The following EYS variants were observed in gnomAD, a reference collection of about 807,000 sequenced individuals.
EYS encodes EGF-like photoreceptor maintenance factor, also known as protein eyes shut homolog.
EYS carries 250 observed loss-of-function variants against 282.1 expected under a neutral mutation model. The observed-to-expected ratio is 0.89, with a 90% CI of 0.80 to 0.98. The LOEUF (loss-of-function observed/expected upper bound fraction) is 0.98. Ranked by LOEUF, EYS falls within the 50% of genes least tolerant of loss-of-function variation. EYS has a pLI of 0.00. For synonymous variants in EYS, 1,355 were observed against 1,282.9 expected (o/e 1.06, Z -1.20); for missense variants, 4,016 against 3,709.0 (o/e 1.08, Z -2.15).
intron 37 of EYS, among the ~76,000 whole-genome samples, chr6:63,792,550 G>A (rs1012853065): frequency 6.6e-6 from 1 of 151,898 alleles, no homozygotes; most frequent in African/African-American, 2.4e-5. Flanking sequence ...TAACAAACCT[G>A]CACATTGTGC....
chr6:64,755,618 T>C (rs915133312), intron 22 of EYS, among the ~76,000 whole-genome samples: 3 of 151,784 alleles, frequency 2.0e-5, no homozygotes, highest in Non-Finnish European at 4.4e-5. Context: ...GGGAGAGCAT[T>C]ATCCTAAGCA....
chr6:63,864,824 A>G (rs1772633453), intron 35 of EYS, among the ~76,000 whole-genome samples: 1 of 152,218 alleles, frequency 6.6e-6, no homozygotes, highest in Non-Finnish European at 1.5e-5. Flanking sequence ...AATTCTGAAA[A>G]TAAGACACAG....
At chr6:65,401,860 A>G (rs948531200) in intron 7 of EYS, among the ~76,000 whole-genome samples, 1 of 151,942 alleles carries the variant, frequency 6.6e-6, no homozygotes, top group Non-Finnish European at 1.5e-5. Context: ...GCAGTCAGAT[A>G]AAAGTCAGGC....
At chr6:64,337,477 G>T (rs1192490841) in intron 29 of EYS, among the ~76,000 whole-genome samples, 3 of 151,972 alleles carry the variant, frequency 2.0e-5, no homozygotes, top group East Asian at 1.9e-4. Context: ...GTGAGATTGA[G>T]GTGGTAATTA....
rs540689758 is a variant in EYS at position 65,386,868 on chromosome 6, T to G, written c.1185-2368A>C. ...TATAGTTTGTTTTTATGTAAAACTA[T>G]TTTGAGACTTTAGGGTAAGGGTAAC... is the stretch of plus-strand genomic sequence containing the variant. On this transcript the variant is annotated intron_variant, in intron 7 of 42. Transcript: ENST00000503581. Among the ~76,000 whole-genome samples, 13 of 151,990 alleles carry G rather than the reference T, an allele frequency of 8.6e-5. No individual in the cohort carries two copies. In the East Asian group the frequency reaches 1.9e-3, roughly 23 times the overall value.
At chr6:64,349,368 T>A (rs1771531549) in intron 29 of EYS, among the ~76,000 whole-genome samples, 1 of 151,272 alleles carries the variant, frequency 6.6e-6, no homozygotes, top group South Asian at 2.1e-4. Context: ...GCTAATTGTA[T>A]CAACTCCTAT....
chr6:65,364,792 A>G (rs1355201608), intron 8 of EYS, among the ~76,000 whole-genome samples: 2 of 151,724 alleles, frequency 1.3e-5, no homozygotes, highest in Non-Finnish European at 2.9e-5. Context: ...GTACTTGGCC[A>G]ATTAGAATAT....
intron 22 of EYS, among the ~76,000 whole-genome samples, chr6:64,706,503 TA>T (rs1418823824): frequency 6.6e-6 from 1 of 151,990 alleles, no homozygotes; most frequent in East Asian, 1.9e-4. Flanking sequence ...GCAAAAGAAA[TA>T]ATCAGTAGAC....
intron 26 of EYS, among the ~76,000 whole-genome samples, chr6:64,588,533 A>C (rs192646106): frequency 4.8e-4 from 73 of 152,096 alleles, no homozygotes; most frequent in African/African-American, 1.6e-3. Context: ...CCTGTGTCCT[A>C]CTTCCAAAGG....
chr6:64,696,185 C>G (rs1191704880), intron 22 of EYS, among the ~76,000 whole-genome samples: 2 of 151,988 alleles, frequency 1.3e-5, no homozygotes, highest in African/African-American at 4.8e-5. Context: ...AACAAAACTT[C>G]TGGAAATAAA....
intron 5 of EYS, among the ~76,000 whole-genome samples, chr6:65,484,227 TAGA>T (rs1247148931): frequency 1.3e-5 from 2 of 152,098 alleles, no homozygotes; most frequent in East Asian, 3.9e-4. Context: ...GCTCATGGGG[TAGA>T]AGACAGAATA....
chr6:64,740,287 T>TA (rs527302112), intron 22 of EYS, among the ~76,000 whole-genome samples: 7 of 151,932 alleles, frequency 4.6e-5, no homozygotes, highest in African/African-American at 7.3e-5. Flanking sequence ...TTTCAAATTA[T>TA]AAAAAAAATA....
chr6:65,440,244 G>GTATATT (rs1288757322), intron 5 of EYS, among the ~76,000 whole-genome samples: 1 of 151,940 alleles, frequency 6.6e-6, no homozygotes, highest in Non-Finnish European at 1.5e-5. Flanking sequence ...ATGCTCACTG[G>GTATATT]ACAGGGCCTT....
At chr6:65,390,208 C>A (rs761430947) in intron 7 of EYS, among the ~76,000 whole-genome samples, 3 of 151,226 alleles carry the variant, frequency 2.0e-5, no homozygotes, top group Admixed American at 6.6e-5. Context: ...TTTAAACAAC[C>A]AAAGTGAGTG....
At chr6:63,986,461 A>G (rs1423402723) in intron 34 of EYS, among the ~76,000 whole-genome samples, 1 of 151,868 alleles carries the variant, frequency 6.6e-6, no homozygotes, top group Non-Finnish European at 1.5e-5. Context: ...TACCATAAAG[A>G]CACACGCACC....
At chr6:64,989,910 T>A (rs1016659219) in intron 14 of EYS, among the ~76,000 whole-genome samples, 4 of 150,586 alleles carry the variant, frequency 2.7e-5, no homozygotes, top group African/African-American at 7.3e-5. Context: ...TTTAGAAAGG[T>A]GTTAAGCTCT....
intron 12 of EYS, among the ~76,000 whole-genome samples, chr6:65,270,949 G>C (rs1164576551): frequency 6.6e-6 from 1 of 151,240 alleles, no homozygotes; most frequent in African/African-American, 2.4e-5. Context: ...CACCAGAATT[G>C]TCTTTAAAAG....
intron 24 of EYS, among the ~76,000 whole-genome samples, chr6:64,613,773 C>T (rs573334083): frequency 6.6e-6 from 1 of 152,056 alleles, no homozygotes; most frequent in Admixed American, 6.6e-5. Context: ...ACTTTATGTT[C>T]AAAAATGCTA....
chr6:64,761,541 C>T (rs1463817741), intron 22 of EYS, among the ~76,000 whole-genome samples: 3 of 152,166 alleles, frequency 2.0e-5, no homozygotes, highest in Non-Finnish European at 4.4e-5. Context: ...AATGCAACCT[C>T]TGCTTCCTGG....
Sources: gnomAD v4.1 joint callset for allele counts (sites outside exome capture counted in the v4.1 genomes callset) on GRCh38, gnomAD v4.1.1 for gene constraint, MANE v1.5 for transcripts, NCBI Gene and HGNC (gene_info 2026-07-23, HGNC 2026-07-21) for gene names.